The following DHTKD1 variants were observed in gnomAD, a reference collection of about 807,000 sequenced individuals.
DHTKD1 encodes the protein dehydrogenase E1 and transketolase domain containing 1.
Under a neutral mutation model 101.8 loss-of-function variants are expected in DHTKD1, and 78 were observed. The ratio of observed to expected loss-of-function variants is 0.77; its 90% CI spans 0.64 to 0.93. The LOEUF is 0.93. Ranked by LOEUF, DHTKD1 falls within the 40% of genes least tolerant of loss-of-function variation. The probability of loss-of-function intolerance (pLI) is 0.00; values close to 1 mark genes in which losing one functional copy is unlikely to be tolerated. For missense variants in DHTKD1, 1,223 were observed against 1,161.7 expected (o/e 1.05, Z -0.77); for synonymous variants, 462 against 450.3 (o/e 1.03, Z -0.33).
intron 11 of DHTKD1, 100 bp downstream of exon 11, chr10:12,106,496 C>G: frequency 6.8e-7 from 1 of 1,471,314 alleles, no homozygotes; most frequent in Non-Finnish European, 9.4e-7. Flanking sequence ...TGCCTTGAGA[C>G]TCCCGTGTGC....
intron 3 of DHTKD1, among the ~76,000 whole-genome samples, chr10:12,085,873 T>C (rs1349082598): frequency 6.6e-6 from 1 of 152,092 alleles, no homozygotes; most frequent in Non-Finnish European, 1.5e-5. Context: ...ATTGCACCAC[T>C]GTACTCCAGT....
chr10:12,098,588 G>A (rs1186543012), intron 8 of DHTKD1, among the ~76,000 whole-genome samples: 1 of 152,122 alleles, frequency 6.6e-6, no homozygotes, highest in Non-Finnish European at 1.5e-5. Flanking sequence ...ATTTTTGGAT[G>A]GAATCTCACT....
At position 12,107,516 on chromosome 10, in the gene DHTKD1, C is replaced by G. The variant is rs944943563; in HGVS notation, c.2048-393C>G. Among the ~76,000 whole-genome samples the G allele has an allele frequency of 1.6e-4, 24 of 151,430 alleles. No homozygotes were observed. Among genetic ancestry groups the G allele is most frequent in the African/African-American group, 5.6e-4 (23 of 41,166 alleles). The stretch of plus-strand genomic sequence containing the variant: ...CACTGCAACCTCTATCTCCCGGGGT[C>G]AAGTGATTCTCCCACCTCAGCCTCC... On this transcript the variant is annotated intron_variant, in intron 11 of 16. Transcript: ENST00000263035. The surrounding 1 kb of genome is among the most constrained non-coding windows in gnomAD (Gnocchi z 4.1).
intron 1 of DHTKD1, among the ~76,000 whole-genome samples, chr10:12,076,889 C>G (rs2131348429): frequency 6.8e-6 from 1 of 147,868 alleles, no homozygotes; most frequent in Admixed American, 7.0e-5. Flanking sequence ...ATCTCCTGAC[C>G]TTGTGATCCT....
intron 2 of DHTKD1, 141 bp from the exon 3 acceptor site, chr10:12,084,398 AC>A (rs1832869093): frequency 3.4e-6 from 2 of 596,274 alleles, no homozygotes; most frequent in Non-Finnish European, 5.9e-6. Flanking sequence ...ATATAACAAA[AC>A]AATGCCTTCA....
Position 12,089,243 on chromosome 10 carries a change from C to G in DHTKD1, c.975C>G (p.Val325=). The part of the protein sequence containing the change: ...PDNSAQPGDR[V]ICLQVHGDAS... ...ACTCAGCCCAGCCGGGGGACAGGGT[C>G]ATTTGCTTACAGGTACTTGGAGCTT... The change falls in exon 5 of 17, where the codon GTC becomes GTG. Residue 325 remains valine, a synonymous_variant. Coordinates refer to ENST00000263035, the MANE Select transcript of DHTKD1 (RefSeq NM_018706.7). 6.2e-7 allele frequency: 1 copy of G among 1,613,800 alleles called. No homozygotes were observed. The highest frequency in any genetic ancestry group is 8.5e-7 in the Non-Finnish European group (1 of 1,179,944).
At position 12,088,086 on chromosome 10, in the gene DHTKD1, C is replaced by A. The variant is rs187917155; in HGVS notation, c.717+357C>A. Among the ~76,000 whole-genome samples the A allele has an allele frequency of 2.7e-3, 416 of 152,002 alleles. 4 individuals are homozygous for A. The highest frequency in any genetic ancestry group is 3.6e-3 in the Non-Finnish European group (247 of 67,998). On this transcript the variant is annotated intron_variant, in intron 4 of 16. Coordinates refer to ENST00000263035, the MANE Select transcript of DHTKD1 (RefSeq NM_018706.7). ...TATGATCTCACCACTGCACTCCAGG[C>A]TGGGCAACAAAGCAAGATGCTGCCT...
Position 12,106,227 on chromosome 10 carries a change from T to C in DHTKD1, c.1897-19T>C. 1 of 1,614,056 alleles carries C rather than the reference T, an allele frequency of 6.2e-7. No individual in the cohort carries two copies. Among genetic ancestry groups the C allele is most frequent in the Non-Finnish European group, 8.5e-7 (1 of 1,179,898 alleles). On this transcript the variant is annotated intron_variant, in intron 10 of 16. Transcript: ENST00000263035. ...CGTGGCCCTCACATGCAGCGTTTCC[T>C]TCTCTTCTCTGGGATTAGGTCAGCA...
Position 12,120,809 on chromosome 10 carries a change from C to T in DHTKD1, c.2681C>T (p.Pro894Leu). ...ACKLRLVGRP[P>L]LPVPAVGIGT... ...TAGCTCCGTCTGGTGGGCCGGCCCC[C>T]TTTGCCAGTACCCGCTGTAGGAATT... The change falls in exon 17 of 17, where the codon CCT becomes CTT. Residue 894 changes from proline to leucine, a missense_variant. By Grantham distance (98) the Pro-to-Leu change is moderately conservative. Transcript: ENST00000263035. 1 of 1,614,144 alleles carries T rather than the reference C, an allele frequency of 6.2e-7. No homozygotes were observed. Among genetic ancestry groups the T allele is most frequent in the Non-Finnish European group, 8.5e-7 (1 of 1,180,006 alleles).
At chr10:12,102,942 A>T (rs749296883) in intron 10 of DHTKD1, among the ~76,000 whole-genome samples, 1 of 150,774 alleles carries the variant, frequency 6.6e-6, no homozygotes, top group African/African-American at 2.4e-5. Context: ...TATTATTTAG[A>T]CCTGGCACGG....
intron 6 of DHTKD1, among the ~76,000 whole-genome samples, chr10:12,092,386 G>C (rs1026051540): frequency 6.6e-6 from 1 of 152,146 alleles, no homozygotes; most frequent in African/African-American, 2.4e-5. Flanking sequence ...ACAAGTCAGA[G>C]ATCAACACAA....
chr10:12,100,167 G>T lies in DHTKD1; in HGVS notation c.1672-11G>T. The T allele has an allele frequency of 6.6e-7, 1 of 1,518,906 alleles. No individual in the cohort carries two copies. The highest frequency in any genetic ancestry group is 2.4e-5 in the East Asian group (1 of 41,716). The allele number at this position is 1,518,906 out of a possible 1,614,324, so 94.1% of individuals were successfully genotyped here. On this transcript the variant is annotated splice_polypyrimidine_tract_variant and intron_variant, in intron 8 of 16. Transcript: ENST00000263035. ...AGACGTTCCTTTTTTTTCTTCCTCT[G>T]AATTTTACAGTCCAGAATGGAGAAG...
At chr10:12,071,420 C>G (rs1832648540) in intron 1 of DHTKD1, among the ~76,000 whole-genome samples, 1 of 152,130 alleles carries the variant, frequency 6.6e-6, no homozygotes, top group African/African-American at 2.4e-5. Context: ...GAGCAATCCA[C>G]CTTTATCTTT....
chr10:12,080,420 T>C (rs1448153930), intron 1 of DHTKD1, among the ~76,000 whole-genome samples: 4 of 151,724 alleles, frequency 2.6e-5, no homozygotes, highest in Non-Finnish European at 5.9e-5. Flanking sequence ...TTATAAGTTT[T>C]AAAATATGTG....
rs1833443909 is a variant in DHTKD1, at chr10:12,117,753, A to G, written c.2400A>G (p.Lys800=). 6.4e-7 allele frequency: 1 copy of G among 1,567,754 alleles called. No individual in the cohort carries two copies. Among genetic ancestry groups the G allele is most frequent in the African/African-American group, 1.4e-5 (1 of 73,798 alleles). ...TTGGTGATTCATCTGTGGATCCAAA[A>G]AAGTAAGATATGTATCTCTGTTTTC... ...PVIGDSSVDP[K]KVKTLVFCSG... is the part of the protein sequence containing the mutation. Residue 800 remains lysine (K), a splice_region_variant and synonymous_variant, in exon 14 of 17, where the codon AAA becomes AAG. Transcript: ENST00000263035.
intron 1 of DHTKD1, 116 bp downstream of exon 1, chr10:12,069,303 C>T: frequency 5.6e-6 from 1 of 177,724 alleles, no homozygotes; most frequent in Non-Finnish European, 1.1e-5. Flanking sequence ...AACGCGCGGC[C>T]GGTGGGGAGG....
At position 12,090,266 on chromosome 10, in the gene DHTKD1, G is replaced by A. The variant is rs537778556; in HGVS notation, c.987+1011G>A. Reference sequence around the variant, plus strand: ...AATATTCTATGTTTGTAAATGCCACGTTATCCTATGCATTTTAATTTTTCA... The same window carrying A: ...AATATTCTATGTTTGTAAATGCCACATTATCCTATGCATTTTAATTTTTCA... On this transcript the variant is annotated intron_variant, in intron 5 of 16. Transcript: ENST00000263035. 2.3e-4 allele frequency among the ~76,000 whole-genome samples: 35 copies of A among 152,186 alleles called. 1 individual carries two copies. Among genetic ancestry groups the A allele is most frequent in the South Asian group, 2.1e-3 (10 of 4,818 alleles).
At chr10:12,102,655 G>T (rs1396949873) in intron 10 of DHTKD1, among the ~76,000 whole-genome samples, 1 of 152,030 alleles carries the variant, frequency 6.6e-6, no homozygotes, top group Non-Finnish European at 1.5e-5. Flanking sequence ...TATTGAAAAA[G>T]TCCCAATTAA....
In DHTKD1 at chr10:12,120,785, A is replaced by C. The variant is rs1179715778; in HGVS notation, c.2659-2A>C. 2 of 1,613,726 alleles carry C rather than the reference A, an allele frequency of 1.2e-6. No homozygotes were observed. Among genetic ancestry groups the C allele is most frequent in the Non-Finnish European group, 1.7e-6 (2 of 1,179,662 alleles). Reference sequence around the variant, plus strand: ...TTTATTTCTTCTCTGCTGCACTTATAGCTCCGTCTGGTGGGCCGGCCCCCT... The same window carrying C: ...TTTATTTCTTCTCTGCTGCACTTATCGCTCCGTCTGGTGGGCCGGCCCCCT... On this transcript the variant is annotated splice_acceptor_variant, in intron 16 of 16. Coordinates refer to ENST00000263035, the MANE Select transcript of DHTKD1 (RefSeq NM_018706.7). LOFTEE classifies it high-confidence loss of function.
Sources: allele counts gnomAD v4.1 joint callset (sites outside exome capture counted in the v4.1 genomes callset), GRCh38; gene constraint gnomAD v4.1.1; non-coding constraint Gnocchi (gnomAD v3.1); transcripts MANE v1.5; gene names NCBI Gene and HGNC (gene_info 2026-07-23, HGNC 2026-07-21).